The following HDAC11 variants were observed in gnomAD, a reference collection of about 807,000 sequenced individuals.
HDAC11 encodes histone deacetylase 11.
A neutral mutation model predicts 41.1 loss-of-function variants in HDAC11; 23 were observed. The ratio of observed to expected loss-of-function variants is 0.56; its 90% CI spans 0.40 to 0.79. The LOEUF (loss-of-function observed/expected upper bound fraction) is 0.79, where lower values mean the gene tolerates loss of function less well. HDAC11 is among the 30% of genes least tolerant of loss of function. The pLI, the probability that HDAC11 is intolerant of heterozygous loss-of-function variation, is 0.00. For missense variants in HDAC11, 402 were observed against 477.3 expected (o/e 0.84, Z 1.47); for synonymous variants, 187 against 186.6 (o/e 1.00, Z -0.02).
In HDAC11 at chr3:13,501,997, G is replaced by A. The variant is rs1218310520; in HGVS notation, c.552+64G>A. On this transcript the variant is annotated intron_variant, in intron 7 of 9. Coordinates refer to ENST00000295757, the MANE Select transcript of HDAC11 (RefSeq NM_024827.4). Reference sequence around the variant, plus strand: ...CCACCCCCAGTTCCAGAATCTTCCCGGGGCAGGAGAGTCTCCCTCCTCATG... The same window carrying A: ...CCACCCCCAGTTCCAGAATCTTCCCAGGGCAGGAGAGTCTCCCTCCTCATG... 17 of 1,406,210 alleles carry A rather than the reference G, an allele frequency of 1.2e-5. No homozygotes were observed. The East Asian group carries it at 1.4e-4, about 11-fold the overall frequency. 87.1% of individuals were successfully genotyped at this position (1,406,210 alleles called of 1,614,324 possible).
chr3:13,500,623 G>A, intron 5 of HDAC11, 90 bp from the exon 6 acceptor site: 1 of 1,035,508 alleles, frequency 9.7e-7, no homozygotes, highest in South Asian at 1.4e-5. Flanking sequence ...TGAGCAGGGA[G>A]GATGCTGGGG....
At position 13,480,803 on chromosome 3, in the gene HDAC11, T is replaced by C. The variant is rs775603405; in HGVS notation, c.3-443T>C. ...GGTCCCGACTTGGGTTTCTGAGTGCTTACTGTGCTCAGCTCCTCAGTTGCA... is the reference window on the plus strand; with the variant it reads ...GGTCCCGACTTGGGTTTCTGAGTGCCTACTGTGCTCAGCTCCTCAGTTGCA... On this transcript the variant is annotated intron_variant, in intron 1 of 9. Coordinates refer to ENST00000295757, the MANE Select transcript of HDAC11 (RefSeq NM_024827.4). The surrounding 1 kb of genome is among the most constrained non-coding windows in gnomAD (Gnocchi z 4.6). 9.2e-5 allele frequency: 40 copies of C among 435,048 alleles called. No homozygotes were observed. Among genetic ancestry groups the C allele is most frequent in the South Asian group, 2.2e-4 (13 of 58,134 alleles). The allele number at this position is 435,048 out of a possible 1,614,324, so 26.9% of individuals were successfully genotyped here.
In HDAC11 at chr3:13,506,028, C is replaced by G. The variant is rs1702610141; in HGVS notation, c.*1345C>G. The G allele has an allele frequency of 6.6e-6, 1 of 152,264 alleles. No individual in the cohort carries two copies. The highest frequency in any genetic ancestry group is 1.5e-5 in the Non-Finnish European group (1 of 68,080). The allele number at this position is 152,264 out of a possible 1,614,324, so 9.4% of individuals were successfully genotyped here. A position where few individuals can be genotyped will look rare whatever the true frequency, so the allele number is the denominator to read the frequency against. On this transcript the variant is annotated 3_prime_UTR_variant, in exon 10 of 10. Coordinates refer to ENST00000295757, the MANE Select transcript of HDAC11 (RefSeq NM_024827.4). ...GGTGCTCCCACTGTCTCCCGGCCTC[C>G]CTAATGCTCCCTCTGCTGCAGGGAG...
In HDAC11 at chr3:13,502,364, G is replaced by C. The variant is rs1574914677; in HGVS notation, c.552+431G>C. 5.1e-6 allele frequency: 1 copy of C among 194,944 alleles called. No homozygotes were observed. Among genetic ancestry groups the C allele is most frequent in the East Asian group, 1.3e-4 (1 of 7,590 alleles). The allele number at this position is 194,944 out of a possible 1,614,324, so 12.1% of individuals were successfully genotyped here. On this transcript the variant is annotated intron_variant, in intron 7 of 9. Coordinates refer to ENST00000295757, the MANE Select transcript of HDAC11 (RefSeq NM_024827.4). The surrounding 1 kb of genome is among the most constrained non-coding windows in gnomAD (Gnocchi z 4.1). ...TCACCATTTAAGAACTCGGCGCCTA[G>C]GGAGTAAAGTGTCAAAGCAGAGGGT...
Position 13,484,183 on chromosome 3 carries a change from C to T in HDAC11, c.252+619C>T, listed in dbSNP as rs1031651705. 2.6e-5 allele frequency among the ~76,000 whole-genome samples: 4 copies of T among 152,158 alleles called. No homozygotes were observed. The East Asian group carries it at 5.8e-4, about 22-fold the overall frequency. ...TTCGCCGTGTTGGCCAAGCTGGTCT[C>T]GAACTCCTGAACTCAGGTCATCTGC... On this transcript the variant is annotated intron_variant, in intron 3 of 9. Transcript: ENST00000295757.
At chr3:13,501,615 C>T in intron 6 of HDAC11, 1 of 692,944 alleles carries the variant, frequency 1.4e-6, no homozygotes, top group Non-Finnish European at 2.7e-6. Flanking sequence ...TACCTCCTGA[C>T]CTATGACCCT....
intron 3 of HDAC11, chr3:13,496,519 T>C (rs1702102422): frequency 4.4e-6 from 2 of 454,302 alleles, no homozygotes; most frequent in Non-Finnish European, 7.8e-6. Context: ...AAGAAATGCA[T>C]TGTGTAAACT....
Position 13,483,572 on chromosome 3 carries a change from A to C in HDAC11, c.252+8A>C. ...TATCTTAATGAGCTCAAGGTACAGG[A>C]TGTCGGGCCTGGGGGGCTGCGGGCC... On this transcript the variant is annotated splice_region_variant and intron_variant, in intron 3 of 9. Transcript: ENST00000295757. 1 of 1,470,180 alleles carries C rather than the reference A, an allele frequency of 6.8e-7. No individual in the cohort carries two copies. The highest frequency in any genetic ancestry group is 9.4e-7 in the Non-Finnish European group (1 of 1,065,754). 91.1% of individuals were successfully genotyped at this position (1,470,180 alleles called of 1,614,324 possible).
intron 8 of HDAC11, chr3:13,503,362 T>A: frequency 5.7e-6 from 1 of 176,130 alleles, no homozygotes; most frequent in East Asian, 1.6e-4. Context: ...GTCGGGAGTT[T>A]GAGACCAGCC....
chr3:13,504,703 C>T lies in HDAC11; in HGVS notation c.*20C>T, dbSNP rs1702541703. On this transcript the variant is annotated 3_prime_UTR_variant, in exon 10 of 10. Coordinates refer to ENST00000295757, the MANE Select transcript of HDAC11 (RefSeq NM_024827.4). ...CCCTGACCCTTGCTGCCCTGCCTGT[C>T]ACGTGGCCCTGCCTATCCGCCCCTT... is the stretch of plus-strand genomic sequence containing the variant. 1.3e-6 allele frequency: 2 copies of T among 1,599,688 alleles called. No individual in the cohort carries two copies. The highest frequency in any genetic ancestry group is 1.7e-4 in the Middle Eastern group (1 of 6,018).
At chr3:13,497,854 C>T (rs1324282811) in intron 4 of HDAC11, among the ~76,000 whole-genome samples, 13 of 106,080 alleles carry the variant, frequency 1.2e-4, no homozygotes, top group East Asian at 5.8e-4. Flanking sequence ...TCTTTTTTTG[C>T]TTTTTTTTTT....
intron 3 of HDAC11, among the ~76,000 whole-genome samples, chr3:13,484,285 G>T (rs1428690345): frequency 6.6e-6 from 1 of 152,192 alleles, no homozygotes; most frequent in Non-Finnish European, 1.5e-5. Flanking sequence ...TTGGGCTGAA[G>T]TTTAAGACTC....
At chr3:13,503,706 A>G (rs1469121617) in intron 8 of HDAC11, among the ~76,000 whole-genome samples, 4 of 152,250 alleles carry the variant, frequency 2.6e-5, no homozygotes, top group African/African-American at 9.6e-5. Context: ...ACCAGTCACG[A>G]TGAGTCTGGT....
intron 3 of HDAC11, among the ~76,000 whole-genome samples, chr3:13,490,062 C>T (rs572854916): frequency 2.0e-5 from 3 of 150,188 alleles, no homozygotes; most frequent in Non-Finnish European, 3.0e-5. Context: ...GGCGCGATCT[C>T]GGCTCACTGC....
intron 2 of HDAC11, 99 bp downstream of exon 2, chr3:13,481,493 C>A: frequency 7.0e-7 from 1 of 1,422,112 alleles, no homozygotes; most frequent in Non-Finnish European, 9.7e-7. Flanking sequence ...CTCCCATCTT[C>A]AGTTTCAGCC....
At chr3:13,503,518 C>T (rs1053612597) in intron 8 of HDAC11, among the ~76,000 whole-genome samples, 12 of 152,360 alleles carry the variant, frequency 7.9e-5, no homozygotes, top group African/African-American at 2.2e-4. Flanking sequence ...AAGCCGAGAT[C>T]GCGCCATTGC....
At chr3:13,485,424 G>A (rs753531754) in intron 3 of HDAC11, among the ~76,000 whole-genome samples, 2 of 152,242 alleles carry the variant, frequency 1.3e-5, no homozygotes, top group African/African-American at 4.8e-5. Context: ...TCCCGAGGGT[G>A]AGGGGAAGGA....
chr3:13,490,068 A>G (rs1479444544), intron 3 of HDAC11, among the ~76,000 whole-genome samples: 6 of 150,866 alleles, frequency 4.0e-5, no homozygotes, highest in Admixed American at 1.3e-4. Flanking sequence ...ATCTCGGCTC[A>G]CTGCAACCTC....
intron 3 of HDAC11, among the ~76,000 whole-genome samples, chr3:13,489,126 G>A (rs900068324): frequency 2.7e-4 from 41 of 151,782 alleles, no homozygotes; most frequent in African/African-American, 9.9e-4. Flanking sequence ...TGAGTTGTAG[G>A]GTTCTTTATA....
Sources: allele counts gnomAD v4.1 joint callset (sites outside exome capture counted in the v4.1 genomes callset), GRCh38; gene constraint gnomAD v4.1.1; non-coding constraint Gnocchi (gnomAD v3.1); transcripts MANE v1.5; gene names NCBI Gene and HGNC (gene_info 2026-07-23, HGNC 2026-07-21).